The following TPCN2 variants were observed in gnomAD, a reference collection of about 807,000 sequenced individuals.
TPCN2 encodes two pore channel protein 2.
TPCN2 carries 92 observed loss-of-function variants against 111.4 expected under a neutral mutation model. The ratio of observed to expected loss-of-function variants is 0.83; its 90% CI spans 0.70 to 0.98. The LOEUF is 0.98. TPCN2 is among the 50% of genes least tolerant of loss of function. The pLI, the probability that TPCN2 is intolerant of heterozygous loss-of-function variation, is 0.00. For synonymous variants in TPCN2, 405 were observed against 414.5 expected (o/e 0.98, Z 0.28); for missense variants, 995 against 980.1 (o/e 1.02, Z -0.20).
At chr11:69,087,411 C>T (rs1229065862) in intron 24 of TPCN2, among the ~76,000 whole-genome samples, 1 of 152,208 alleles carries the variant, frequency 6.6e-6, no homozygotes, top group Admixed American at 6.5e-5. Flanking sequence ...GCGTCATAGC[C>T]TTTGTCCTGC....
At chr11:69,087,745 C>G (rs1175705776) in intron 24 of TPCN2, 130 bp from the exon 25 acceptor site, 3 of 657,226 alleles carry the variant, frequency 4.6e-6, no homozygotes, top group Non-Finnish European at 7.9e-6. Context: ...TCATCTGAGT[C>G]CCCGTGTCTC....
intron 17 of TPCN2, 116 bp from the exon 18 acceptor site, chr11:69,081,283 TC>T (rs2134627749): frequency 3.1e-6 from 2 of 644,382 alleles, no homozygotes; most frequent in East Asian, 5.6e-5. Context: ...TGGGGTGCAC[TC>T]CCGTCATGCC....
intron 11 of TPCN2, 35 bp downstream of exon 11, chr11:69,072,058 G>T: frequency 6.4e-7 from 1 of 1,572,992 alleles, no homozygotes. Flanking sequence ...TCTCCCTGAG[G>T]GTGGGTGCTG....
Position 69,055,502 on chromosome 11 carries a change from C to T in TPCN2, c.429+150C>T, listed in dbSNP as rs1854716044. On this transcript the variant is annotated intron_variant, in intron 4 of 24. Transcript: ENST00000294309. ...GGTGAGCAAGGCACACTTTCTTGGA[C>T]AAGCAAGTGCCTGAGGCAGAGGCTA... 4.9e-6 allele frequency: 4 copies of T among 822,742 alleles called. No individual in the cohort carries two copies. The East Asian group carries it at 1.1e-4, about 23-fold the overall frequency. The allele number at this position is 822,742 out of a possible 1,614,324, so 51.0% of individuals were successfully genotyped here.
chr11:69,063,835 G>A (rs543435457), intron 6 of TPCN2, 60 bp from the exon 7 acceptor site: 2 of 1,551,556 alleles, frequency 1.3e-6, no homozygotes, highest in African/African-American at 2.7e-5. Context: ...CCTGCAGGCA[G>A]GTCAGGTGTC....
chr11:69,076,625 GCGGTGTCCCTC>G lies in TPCN2; in HGVS notation c.1231-1855_1231-1845del, dbSNP rs1338102261. ...GCCGTGTCCCTCCACCTGCCCTCCT[GCGGTGTCCCTC>G]CACCTGCCCTCCTGCCGTGTCCCTC... On this transcript the variant is annotated intron_variant, in intron 13 of 24. Coordinates refer to ENST00000294309, the MANE Select transcript of TPCN2 (RefSeq NM_139075.4). 7.7e-3 allele frequency among the ~76,000 whole-genome samples: 1,027 copies of G among 133,882 alleles called. 108 individuals are homozygous for G. Among genetic ancestry groups the G allele is most frequent in the East Asian group, 0.065 (285 of 4,356 alleles). The allele number at this position is 133,882 out of a possible 152,430, so 87.8% of individuals were successfully genotyped here.
At chr11:69,058,114 C>T (rs1854856357) in intron 5 of TPCN2, among the ~76,000 whole-genome samples, 1 of 152,238 alleles carries the variant, frequency 6.6e-6, no homozygotes, top group Non-Finnish European at 1.5e-5. Flanking sequence ...CACCCGGCCA[C>T]ACTCAGCCCT....
intron 3 of TPCN2, 69 bp downstream of exon 3, chr11:69,054,866 C>T (rs1165591439): frequency 3.3e-6 from 5 of 1,500,910 alleles, no homozygotes; most frequent in Non-Finnish European, 4.6e-6. Flanking sequence ...TGGCCCCCAC[C>T]TGGGGATCAC....
At chr11:69,071,843 G>T in intron 10 of TPCN2, 80 bp from the exon 11 acceptor site, 1 of 1,365,746 alleles carries the variant, frequency 7.3e-7, no homozygotes, top group African/African-American at 1.4e-5. Context: ...CCCTCTGCCT[G>T]TTCCCCAGGG....
chr11:69,086,744 C>G (rs1295653329), intron 23 of TPCN2, 140 bp downstream of exon 23: 3 of 785,614 alleles, frequency 3.8e-6, no homozygotes, highest in Non-Finnish European at 6.3e-6. Context: ...CTGAGTGAGG[C>G]TGAGCCCCTC....
rs1856397691 is a variant in TPCN2 at position 69,090,438 on chromosome 11, C to T, written c.*2485C>T. 6.6e-6 allele frequency: 1 copy of T among 152,148 alleles called. No homozygotes were observed. Among genetic ancestry groups the T allele is most frequent in the Non-Finnish European group, 1.5e-5 (1 of 68,042 alleles). 9.4% of individuals were successfully genotyped at this position (152,148 alleles called of 1,614,324 possible). ...GGCTTTGACTCCCACACTGTGTACC[C>T]CTCTTGTGTGGACGCCCTGCTGCCA... On this transcript the variant is annotated 3_prime_UTR_variant, in exon 25 of 25. Coordinates refer to ENST00000294309, the MANE Select transcript of TPCN2 (RefSeq NM_139075.4).
At position 69,085,779 on chromosome 11, in the gene TPCN2, C is replaced by CCTGCTCCCCGGA. The variant is rs775924440; in HGVS notation, c.1920+38_1920+39insACTGCTCCCCGG. 129 of 1,593,758 alleles carry CCTGCTCCCCGGA rather than the reference C, an allele frequency of 8.1e-5. 1 individual carries two copies. In the African/African-American group the frequency reaches 1.6e-3, roughly 20 times the overall value. The stretch of plus-strand genomic sequence containing the variant: ...TGAGCCCTGCGCCCTGTCCCAGCAC[C>CCTGCTCCCCGGA]CTGCTCCCCGGGCTCCTCCCCTCCC... On this transcript the variant is annotated intron_variant, in intron 21 of 24. Coordinates refer to ENST00000294309, the MANE Select transcript of TPCN2 (RefSeq NM_139075.4).
chr11:69,076,841 C>T (rs1855786213), intron 13 of TPCN2, among the ~76,000 whole-genome samples: 1 of 129,228 alleles, frequency 7.7e-6, no homozygotes, highest in Non-Finnish European at 1.6e-5. Flanking sequence ...GTGCCATGTC[C>T]CTCCACTTGC....
At chr11:69,087,323 G>C in intron 24 of TPCN2, 117 bp downstream of exon 24, 1 of 846,682 alleles carries the variant, frequency 1.2e-6, no homozygotes, top group Non-Finnish European at 1.9e-6. Context: ...CCCTCCGCCC[G>C]GTTATCTGGC....
intron 17 of TPCN2, among the ~76,000 whole-genome samples, chr11:69,080,699 G>A (rs1855969039): frequency 1.3e-5 from 2 of 152,120 alleles, no homozygotes; most frequent in Non-Finnish European, 1.5e-5. Flanking sequence ...TTGCTATTCC[G>A]TCAGCTCCCT....
intron 5 of TPCN2, among the ~76,000 whole-genome samples, chr11:69,060,903 C>T (rs1287863366): frequency 6.6e-6 from 1 of 152,228 alleles, no homozygotes; most frequent in East Asian, 1.9e-4. Context: ...GGCCAGAGCC[C>T]TGAGCAGTTC....
At position 69,060,866 on chromosome 11, in the gene TPCN2, C is replaced by T. The variant is rs189547701; in HGVS notation, c.547-2018C>T. Among the ~76,000 whole-genome samples, 35 of 152,324 alleles carry T rather than the reference C, an allele frequency of 2.3e-4. 1 individual carries two copies. Among genetic ancestry groups the T allele is most frequent in the Admixed American group, 2.0e-3 (31 of 15,304 alleles). On this transcript the variant is annotated intron_variant, in intron 5 of 24. Transcript: ENST00000294309. The stretch of plus-strand genomic sequence containing the variant: ...CCAACCAGTGGGCAATGAATGGGTT[C>T]CGGGTGAGCTGGGCGCACAGGGCAG...
At chr11:69,063,841 G>T in intron 6 of TPCN2, 54 bp from the exon 7 acceptor site, 2 of 1,572,770 alleles carry the variant, frequency 1.3e-6, no homozygotes, top group Non-Finnish European at 1.7e-6. Context: ...GGCAGGTCAG[G>T]TGTCCCTGCC....
At chr11:69,061,578 T>C (rs1590714938) in intron 5 of TPCN2, among the ~76,000 whole-genome samples, 1 of 151,952 alleles carries the variant, frequency 6.6e-6, no homozygotes, top group African/African-American at 2.4e-5. Flanking sequence ...GATCGGGCAG[T>C]GCGGGGACCT....
Sources: gnomAD v4.1 joint callset for allele counts (sites outside exome capture counted in the v4.1 genomes callset) on GRCh38, gnomAD v4.1.1 for gene constraint, MANE v1.5 for transcripts, NCBI Gene and HGNC (gene_info 2026-07-23, HGNC 2026-07-21) for gene names.